SUZ12: variants seen among roughly 807,000 people sequenced by gnomAD.
SUZ12 encodes the protein SUZ12 polycomb repressive complex 2 subunit.
In SUZ12, 17 loss-of-function variants were observed where a neutral mutation model predicts 87.3. The ratio of observed to expected loss-of-function variants is 0.19; its 90% confidence interval spans 0.13 to 0.29. The LOEUF (loss-of-function observed/expected upper bound fraction) is 0.29. SUZ12 is among the 10% of genes least tolerant of loss of function. SUZ12 has a pLI of 1.00. For missense variants in SUZ12, 526 were observed against 912.2 expected (o/e 0.58, Z 5.45); for synonymous variants, 253 against 312.4 (o/e 0.81, Z 2.01).
chr17:31,971,327 T>A (rs1388748335), intron 5 of SUZ12, among the ~76,000 whole-genome samples: 2 of 152,146 alleles, frequency 1.3e-5, no homozygotes, highest in Non-Finnish European at 2.9e-5. Context: ...GGTAACTGAT[T>A]TAATTCAAAT....
intron 5 of SUZ12, among the ~76,000 whole-genome samples, chr17:31,968,364 A>G (rs1405631575): frequency 2.0e-5 from 3 of 151,998 alleles, no homozygotes; most frequent in South Asian, 4.2e-4. Flanking sequence ...GAGTAGCTGG[A>G]ACTACAGGCG....
intron 3 of SUZ12, among the ~76,000 whole-genome samples, chr17:31,943,661 C>T (rs1329257333): frequency 1.3e-5 from 2 of 151,840 alleles, no homozygotes; most frequent in Non-Finnish European, 2.9e-5. Flanking sequence ...TTGATTTATT[C>T]TATAAAACTA....
chr17:31,996,769 T>C, intron 14 of SUZ12, 29 bp from the exon 15 acceptor site: 1 of 1,452,092 alleles, frequency 6.9e-7, no homozygotes, highest in Non-Finnish European at 9.3e-7. Flanking sequence ...AATATGTGTT[T>C]AATAGGTGTT....
intron 4 of SUZ12, among the ~76,000 whole-genome samples, chr17:31,958,147 C>G (rs546194221): frequency 6.6e-6 from 1 of 151,650 alleles, no homozygotes; most frequent in African/African-American, 2.4e-5. Context: ...CATGATCCGC[C>G]CACCTCAGCC....
chr17:31,949,767 T>A (rs936660918), intron 4 of SUZ12, among the ~76,000 whole-genome samples: 1 of 123,996 alleles, frequency 8.1e-6, no homozygotes, highest in Non-Finnish European at 1.6e-5. Flanking sequence ...CTCTACAGCC[T>A]CCACCTCCCG....
intron 9 of SUZ12, 111 bp downstream of exon 9, chr17:31,983,215 T>TA: frequency 9.2e-7 from 1 of 1,086,356 alleles, no homozygotes; most frequent in Non-Finnish European, 1.3e-6. Context: ...CTTTGTTTTT[T>TA]ATACTTTAAA....
intron 5 of SUZ12, 117 bp downstream of exon 5, chr17:31,966,313 T>C: frequency 1.1e-6 from 1 of 912,532 alleles, no homozygotes; most frequent in Non-Finnish European, 1.7e-6. Context: ...GAAAATATGT[T>C]GGTTCTGATG....
intron 1 of SUZ12, among the ~76,000 whole-genome samples, chr17:31,939,608 C>G (rs955448386): frequency 2.6e-5 from 4 of 151,986 alleles, no homozygotes; most frequent in Admixed American, 2.6e-4. Flanking sequence ...ACGGCAGCCT[C>G]CGCCTCCCAG....
chr17:31,995,440 T>C (rs1909925179), intron 13 of SUZ12, 124 bp from the exon 14 acceptor site: 17 of 711,264 alleles, frequency 2.4e-5, no homozygotes, highest in Admixed American at 2.8e-5. Context: ...TCTAATACTA[T>C]TGTTTTATGG....
At chr17:31,952,751 C>G (rs1312532193) in intron 4 of SUZ12, among the ~76,000 whole-genome samples, 2 of 151,812 alleles carry the variant, frequency 1.3e-5, no homozygotes, top group East Asian at 3.9e-4. Flanking sequence ...TTAGTAGAGA[C>G]AGGGTTTTAC....
chr17:31,976,240 T>G (rs534259436), intron 7 of SUZ12, among the ~76,000 whole-genome samples: 6 of 152,304 alleles, frequency 3.9e-5, no homozygotes, highest in Non-Finnish European at 8.8e-5. Context: ...TGTTTGAAGT[T>G]TTTGGGAGTT....
intron 1 of SUZ12, among the ~76,000 whole-genome samples, chr17:31,939,588 A>G (rs1286468813): frequency 6.6e-6 from 1 of 150,942 alleles, no homozygotes; most frequent in East Asian, 2.0e-4. Flanking sequence ...CAATGACGCG[A>G]TCTCGGCTCA....
Position 31,999,323 on chromosome 17 carries a change from AT to A in SUZ12, c.*327del. 8.3e-6 allele frequency: 2 copies of A among 240,558 alleles called. No individual in the cohort carries two copies. Among genetic ancestry groups the A allele is most frequent in the East Asian group, 6.1e-5 (1 of 16,482 alleles). 14.9% of individuals were successfully genotyped at this position (240,558 alleles called of 1,614,324 possible). A position where few individuals can be genotyped will look rare whatever the true frequency, so the allele number is the denominator to read the frequency against. ...GAAATTATTTCATATATAAATCAGA[AT>A]TTTTTTGCATTTATGAACGGCTGTT... On this transcript the variant is annotated 3_prime_UTR_variant, in exon 16 of 16. Coordinates refer to ENST00000322652, the MANE Select transcript of SUZ12 (RefSeq NM_015355.4).
chr17:31,997,695 T>G, intron 15 of SUZ12, among the ~76,000 whole-genome samples: 1 of 145,136 alleles, frequency 6.9e-6, no homozygotes, highest in East Asian at 2.0e-4. Context: ...AAAGGCCACC[T>G]TGGTGGGACC....
intron 6 of SUZ12, 71 bp from the exon 7 acceptor site, chr17:31,975,411 T>A: frequency 9.2e-7 from 1 of 1,086,586 alleles, no homozygotes; most frequent in East Asian, 2.7e-5. Flanking sequence ...ATAGCTGTGA[T>A]TAGAAGTTTT....
At chr17:31,982,551 C>T (rs543854408) in intron 8 of SUZ12, among the ~76,000 whole-genome samples, 5 of 152,118 alleles carry the variant, frequency 3.3e-5, no homozygotes, top group South Asian at 2.1e-4. Context: ...CCCAGCTACT[C>T]GGGAGGCTGA....
Position 31,994,564 on chromosome 17 carries a change from T to C in SUZ12, c.1438T>C (p.Tyr480His). The C allele has an allele frequency of 6.3e-7, 1 of 1,594,410 alleles. No individual in the cohort carries two copies. Among genetic ancestry groups the C allele is most frequent in the Non-Finnish European group, 8.5e-7 (1 of 1,171,762 alleles). The change falls in exon 13 of 16, where the codon TAT becomes CAT. Residue 480 changes from tyrosine (Y) to histidine (H), a missense_variant and splice_region_variant. Around this residue, in one of 9 missense-constraint regions of SUZ12, gnomAD observed 143 missense variants for 321.6 expected, o/e 0.44. Transcript: ENST00000322652. ...TTTTTTTTTTACATTTTTGTTGCAG[T>C]ATCATCCAAAAGGTGCTAGGATAGA... is the stretch of plus-strand genomic sequence containing the variant. The part of the protein sequence containing the change: ...CHSRFIFNYV[Y>H]HPKGARIDVS...
In SUZ12 at chr17:32,000,437, A is replaced by C; in HGVS notation, c.*1434A>C. On this transcript the variant is annotated 3_prime_UTR_variant, in exon 16 of 16. Coordinates refer to ENST00000322652, the MANE Select transcript of SUZ12 (RefSeq NM_015355.4). The stretch of plus-strand genomic sequence containing the variant: ...ATAGTGTGGATGTGATTTGTCATCC[A>C]GTATTAAGTTCTTAGTCATTGATTT... The C allele has an allele frequency of 4.3e-6, 1 of 232,618 alleles. No individual in the cohort carries two copies. The allele number at this position is 232,618 out of a possible 1,614,324, so 14.4% of individuals were successfully genotyped here.
intron 4 of SUZ12, among the ~76,000 whole-genome samples, chr17:31,962,147 C>T (rs1315689887): frequency 1.3e-5 from 2 of 152,120 alleles, no homozygotes; most frequent in Admixed American, 1.3e-4. Context: ...TTATTTTCTG[C>T]AAGCCTGACC....
Sources: gnomAD v4.1 joint callset for allele counts (sites outside exome capture counted in the v4.1 genomes callset) on GRCh38, gnomAD v4.1.1 for gene constraint, gnomAD v4.1.1 regional missense constraint, MANE v1.5 for transcripts, NCBI Gene and HGNC (gene_info 2026-07-23, HGNC 2026-07-21) for gene names.